ATXN3: variants seen among roughly 807,000 people sequenced by gnomAD.
ATXN3 encodes ataxin-3.
In ATXN3, 28 loss-of-function variants were observed where a neutral mutation model predicts 58.2. The ratio of observed to expected loss-of-function variants is 0.48; its 90% confidence interval spans 0.36 to 0.66. The LOEUF is 0.66. Ranked by LOEUF, ATXN3 falls within the 30% of genes least tolerant of loss-of-function variation. The pLI is 0.00. For missense variants in ATXN3, 321 were observed against 422.1 expected (o/e 0.76, Z 2.10); for synonymous variants, 113 against 138.5 (o/e 0.82, Z 1.29).
At position 92,059,796 on chromosome 14, in the gene ATXN3, C is replaced by G. The variant is rs1470328571; in HGVS notation, c.*4524G>C. 7.0e-6 allele frequency: 1 copy of G among 142,372 alleles called. No homozygotes were observed. Among genetic ancestry groups the G allele is most frequent in the African/African-American group, 2.6e-5 (1 of 38,126 alleles). 8.8% of individuals were successfully genotyped at this position (142,372 alleles called of 1,614,324 possible). A position where few individuals can be genotyped will look rare whatever the true frequency, so the allele number is the denominator to read the frequency against. On this transcript the variant is annotated 3_prime_UTR_variant, in exon 11 of 11. Transcript: ENST00000644486. ...TCGTGTCATTGTACTCCAGCCTGGG[C>G]AGCAGAGCTAGACTCCGTCTCAGAA... is the stretch of plus-strand genomic sequence containing the variant.
At chr14:92,075,364 G>A (rs1221009622) in intron 9 of ATXN3, among the ~76,000 whole-genome samples, 2 of 151,904 alleles carry the variant, frequency 1.3e-5, no homozygotes, top group South Asian at 2.1e-4. Context: ...AAGAGGTTTC[G>A]CCATGTTGGC....
chr14:92,053,951 C>T (rs1032226516), downstream of ATXN3, among the ~76,000 whole-genome samples: 4 of 151,040 alleles, frequency 2.6e-5, no homozygotes, highest in African/African-American at 9.7e-5. Context: ...TTTTTTTTCC[C>T]CCGAGACGGA....
Position 92,049,293 on chromosome 14 carries a change from G to A in ATXN3, n.184+310C>T, listed in dbSNP as rs147370427. ...GGGTGGGTGAGCAGCCAAAGCAGGC[G>A]TCCCCGCAATTGACTTGCCACCAAG... On this transcript the variant is annotated intron_variant and non_coding_transcript_variant, in intron 1 of 2. Coordinates refer to the ATXN3 transcript ENST00000564606. 2.4e-3 allele frequency among the ~76,000 whole-genome samples: 362 copies of A among 152,258 alleles called. 1 individual carries two copies. Among genetic ancestry groups the A allele is most frequent in the Middle Eastern group, 0.014 (4 of 294 alleles).
In ATXN3 at chr14:92,060,271, T is replaced by TATATACACACATATATATATATATATATA. The variant is rs397970086; in HGVS notation, c.*4048_*4049insTATATATATATATATATATGTGTGTATAT. On this transcript the variant is annotated 3_prime_UTR_variant, in exon 11 of 11. Coordinates refer to ENST00000644486, the MANE Select transcript of ATXN3 (RefSeq NM_004993.6). Reference sequence around the variant, plus strand: ...ACACATATATATATATATATATATATTTTTTTTTTTCAGAAACAGTGTCTC... The same window carrying TATATACACACATATATATATATATATATA: ...ACACATATATATATATATATATATATATATACACACATATATATATATATATATATTTTTTTTTTCAGAAACAGTGTCTC... 1.2e-5 allele frequency: 1 copy of TATATACACACATATATATATATATATATA among 86,558 alleles called. No homozygotes were observed. Among genetic ancestry groups the TATATACACACATATATATATATATATATA allele is most frequent in the African/African-American group, 5.0e-5 (1 of 20,022 alleles). 5.4% of individuals were successfully genotyped at this position (86,558 alleles called of 1,614,324 possible).
intron 1 of ATXN3, among the ~76,000 whole-genome samples, chr14:92,104,566 G>A (rs1459270399): frequency 2.0e-5 from 3 of 152,218 alleles, no homozygotes; most frequent in Non-Finnish European, 4.4e-5. Flanking sequence ...TCAGGAAGTA[G>A]TGTGGAACAT....
At chr14:92,081,465 C>CAAAAAAAAAAAAAAAAAAAAAAAAAA (rs58398762) in intron 8 of ATXN3, among the ~76,000 whole-genome samples, 1 of 82,976 alleles carries the variant, frequency 1.2e-5, no homozygotes, top group African/African-American at 4.1e-5. Flanking sequence ...GACTCTGACT[C>CAAAAAAAAAAAAAAAAAAAAAAAAAA]AAAAAAAAAA....
chr14:92,082,149 A>G (rs2061585503), intron 8 of ATXN3, 151 bp downstream of exon 8: 2 of 760,404 alleles, frequency 2.6e-6, no homozygotes, highest in Middle Eastern at 4.1e-4. Context: ...TTTCCATTAT[A>G]AGAAATCTAA....
chr14:92,065,756 C>G (rs960426969), intron 10 of ATXN3, among the ~76,000 whole-genome samples: 1 of 152,172 alleles, frequency 6.6e-6, no homozygotes. Flanking sequence ...TGGCACACGC[C>G]TGTAGTCCCA....
chr14:92,091,403 A>G (rs972598208), intron 5 of ATXN3, among the ~76,000 whole-genome samples: 31 of 151,958 alleles, frequency 2.0e-4, no homozygotes, highest in Non-Finnish European at 1.6e-4. Flanking sequence ...GGGAGCCAAG[A>G]TCCCGCCACT....
chr14:92,081,465 C>CAAA (rs58398762), intron 8 of ATXN3, among the ~76,000 whole-genome samples: 285 of 82,790 alleles, frequency 3.4e-3, no homozygotes, highest in Non-Finnish European at 4.5e-3. Context: ...GACTCTGACT[C>CAAA]AAAAAAAAAA....
intron 10 of ATXN3, among the ~76,000 whole-genome samples, chr14:92,068,994 T>C (rs920455696): frequency 3.9e-5 from 6 of 152,218 alleles, no homozygotes; most frequent in African/African-American, 1.2e-4. Context: ...TGTTTGGATA[T>C]ACCACAGTTT....
chr14:92,065,753 C>T (rs1228048891), intron 10 of ATXN3, among the ~76,000 whole-genome samples: 4 of 152,082 alleles, frequency 2.6e-5, no homozygotes, highest in Admixed American at 1.3e-4. Context: ...TGGTGGCACA[C>T]GCCTGTAGTC....
At chr14:92,091,962 C>T (rs1408045159) in intron 5 of ATXN3, among the ~76,000 whole-genome samples, 1 of 152,016 alleles carries the variant, frequency 6.6e-6, no homozygotes, top group Non-Finnish European at 1.5e-5. Flanking sequence ...TCCAAAAGTG[C>T]TGGGATTACA....
chr14:92,106,410 C>G, intron 1 of ATXN3, 119 bp downstream of exon 1: 2 of 1,344,288 alleles, frequency 1.5e-6, no homozygotes, highest in Non-Finnish European at 1.0e-6. Context: ...CGCCCCTCGC[C>G]GGGCGAGATC....
chr14:92,104,204 G>A (rs1342917727), intron 1 of ATXN3, among the ~76,000 whole-genome samples: 8 of 152,212 alleles, frequency 5.3e-5, no homozygotes, highest in Middle Eastern at 3.4e-3. Context: ...GCAGTGGCAC[G>A]GTCTCGGCTC....
chr14:92,053,988 T>G (rs773591039), downstream of ATXN3, among the ~76,000 whole-genome samples: 1 of 151,428 alleles, frequency 6.6e-6, no homozygotes, highest in Non-Finnish European at 1.5e-5. Flanking sequence ...CAGGCTGGAG[T>G]GCATGGCGCG....
chr14:92,059,646 G>C lies in ATXN3; in HGVS notation c.*4674C>G, dbSNP rs960802618. On this transcript the variant is annotated 3_prime_UTR_variant, in exon 11 of 11. Transcript: ENST00000644486. Reference sequence around the variant, plus strand: ...GACCAGCCTAACATGGTAAAAGCCCGTCTCTACTAAAAAAAACAAATATTC... The same window carrying C: ...GACCAGCCTAACATGGTAAAAGCCCCTCTCTACTAAAAAAAACAAATATTC... 1 of 142,192 alleles carries C rather than the reference G, an allele frequency of 7.0e-6. No homozygotes were observed. The highest frequency in any genetic ancestry group is 2.7e-5 in the African/African-American group (1 of 36,716). 8.8% of individuals were successfully genotyped at this position (142,192 alleles called of 1,614,324 possible).
chr14:92,089,469 G>C (rs927561355), intron 5 of ATXN3, among the ~76,000 whole-genome samples: 6 of 151,104 alleles, frequency 4.0e-5, no homozygotes, highest in African/African-American at 1.5e-4. Flanking sequence ...CTCCCGAGTA[G>C]CTGGGACTAC....
At chr14:92,067,352 T>C (rs2058628865) in intron 10 of ATXN3, among the ~76,000 whole-genome samples, 2 of 152,204 alleles carry the variant, frequency 1.3e-5, no homozygotes, top group Admixed American at 1.3e-4. Flanking sequence ...AGCCATGACT[T>C]CTTCCTCAAT....
Sources: gnomAD v4.1 joint callset for allele counts (sites outside exome capture counted in the v4.1 genomes callset) on GRCh38, gnomAD v4.1.1 for gene constraint, MANE v1.5 for transcripts, NCBI Gene and HGNC (gene_info 2026-07-23, HGNC 2026-07-21) for gene names.